Variants in NFIC observed in about 807,000 individuals in gnomAD.
NFIC encodes nuclear factor I C, also known as nuclear factor 1 C-type.
NFIC carries 12 observed loss-of-function variants against 54.4 expected under a neutral mutation model. The ratio of observed to expected loss-of-function variants is 0.22; its 90% CI spans 0.14 to 0.36. NFIC has a LOEUF of 0.36. NFIC is among the 10% of genes least tolerant of loss of function. The pLI, the probability that NFIC is intolerant of heterozygous loss-of-function variation, is 1.00. For synonymous variants in NFIC, 322 were observed against 319.2 expected (o/e 1.01, Z -0.09); for missense variants, 575 against 718.2 (o/e 0.80, Z 2.28).
In NFIC at chr19:3,384,789, G is replaced by C. The variant is rs1029260346; in HGVS notation, c.562+2546G>C. On this transcript the variant is annotated intron_variant, in intron 2 of 10. Transcript: ENST00000443272. Reference sequence around the variant, plus strand: ...ACAAACCTGCTGGGGTTGGCTGTGAGGGGGCACTGGGGACGGTGGGGGCAG... The same window carrying C: ...ACAAACCTGCTGGGGTTGGCTGTGACGGGGCACTGGGGACGGTGGGGGCAG... Among the ~76,000 whole-genome samples, 5 of 151,956 alleles carry C rather than the reference G, an allele frequency of 3.3e-5. 1 individual carries two copies. The highest frequency in any genetic ancestry group is 1.2e-4 in the African/African-American group (5 of 41,392).
At position 3,379,677 on chromosome 19, in the gene NFIC, T is replaced by C. The variant is rs1401309814; in HGVS notation, c.31-2035T>C. Reference sequence around the variant, plus strand: ...TTCATTTTTTTTTATTTCTTTCTTTTTTTTTTTTTTTTTTTTTTTGAGTCA... The same window carrying C: ...TTCATTTTTTTTTATTTCTTTCTTTCTTTTTTTTTTTTTTTTTTTGAGTCA... On this transcript the variant is annotated intron_variant, in intron 1 of 10. Coordinates refer to ENST00000443272, the MANE Select transcript of NFIC (RefSeq NM_001245002.2). Among the ~76,000 whole-genome samples, 71 of 47,960 alleles carry C rather than the reference T, an allele frequency of 1.5e-3. 1 individual carries two copies. The highest frequency in any genetic ancestry group is 7.1e-4 in the Non-Finnish European group (10 of 14,134). 31.5% of individuals were successfully genotyped at this position (47,960 alleles called of 152,430 possible). A position where few individuals can be genotyped will look rare whatever the true frequency, so the allele number is the denominator to read the frequency against.
At chr19:3,403,547 C>A (rs1208264515) in intron 2 of NFIC, among the ~76,000 whole-genome samples, 1 of 152,218 alleles carries the variant, frequency 6.6e-6, no homozygotes. Context: ...CCTGACCCCA[C>A]GCCAAAGCCA....
chr19:3,426,560 T>G (rs916115163), intron 3 of NFIC, among the ~76,000 whole-genome samples: 7 of 152,138 alleles, frequency 4.6e-5, no homozygotes, highest in Non-Finnish European at 7.4e-5. Flanking sequence ...AGCCCCCAAG[T>G]CAGGGCCCGT....
At chr19:3,417,678 T>C (rs2081884812) in intron 2 of NFIC, among the ~76,000 whole-genome samples, 1 of 145,852 alleles carries the variant, frequency 6.9e-6, no homozygotes, top group South Asian at 2.2e-4. Flanking sequence ...CAGGCTGGAG[T>C]GCAGTGGCGC....
At chr19:3,366,538 G>T (rs2080886771), upstream of NFIC, 8 of 572,450 alleles carry the variant, frequency 1.4e-5, no homozygotes, top group South Asian at 1.3e-4. Flanking sequence ...GCGGGGCGGG[G>T]GGGGGGGTTG....
chr19:3,388,767 G>A (rs1217595317), intron 2 of NFIC, among the ~76,000 whole-genome samples: 1 of 152,140 alleles, frequency 6.6e-6, no homozygotes, highest in African/African-American at 2.4e-5. Flanking sequence ...GTTGGAGGTT[G>A]CAGTGAGCTG....
At chr19:3,411,682 T>G (rs376086217) in intron 2 of NFIC, among the ~76,000 whole-genome samples, 46 of 152,136 alleles carry the variant, frequency 3.0e-4, no homozygotes, top group African/African-American at 1.0e-3. Context: ...TCAGTGATGC[T>G]GAACCTTTTT....
intron 1 of NFIC, among the ~76,000 whole-genome samples, chr19:3,379,583 C>G (rs1568406062): frequency 6.6e-6 from 1 of 150,786 alleles, no homozygotes; most frequent in Non-Finnish European, 1.5e-5. Flanking sequence ...TGACCTCAAG[C>G]GATCCACCTG....
At chr19:3,429,253 TAC>T (rs57948823) in intron 3 of NFIC, among the ~76,000 whole-genome samples, 1,745 of 50,804 alleles carry the variant, frequency 0.034, 274 homozygotes, top group African/African-American at 0.095. Flanking sequence ...AAAAAATATA[TAC>T]ACACACACAC....
intron 3 of NFIC, among the ~76,000 whole-genome samples, chr19:3,429,134 TATACACACACACACACACAC>T (rs2082075226): frequency 1.5e-5 from 1 of 67,160 alleles, no homozygotes. Context: ...AAAAAAAAAA[TATACACACACACACACACAC>T]ACACACACAC....
At chr19:3,430,198 C>G (rs116755582) in intron 3 of NFIC, among the ~76,000 whole-genome samples, 3,485 of 151,764 alleles carry the variant, frequency 0.023, 128 homozygotes, top group African/African-American at 0.078. Flanking sequence ...GTGTCCAAGT[C>G]AAAGTGCACT....
rs369796013 is a variant in NFIC, at chr19:3,382,234, C to T, written c.553C>T (p.Arg185Cys). Residue 185 changes from arginine (R) to cysteine (C), a missense_variant, in exon 2 of 11, where the codon CGT becomes TGT. Physicochemically the swap from Arg to Cys is radical, Grantham distance 180 (BLOSUM62 -3). Coordinates refer to ENST00000443272, the MANE Select transcript of NFIC (RefSeq NM_001245002.2). ...GGACCTCTACCTGGCCTACTTCGTG[C>T]GTGAGCGAGGTGAGGTGTGGTGGCC... Reference protein sequence around the residue: ...ELDLYLAYFVRERDAEQSGSP... With the variant: ...ELDLYLAYFVCERDAEQSGSP... 22 of 1,601,116 alleles carry T rather than the reference C, an allele frequency of 1.4e-5. No homozygotes were observed. The highest frequency in any genetic ancestry group is 1.3e-4 in the African/African-American group (10 of 74,894).
chr19:3,394,494 C>T (rs1364776992), intron 2 of NFIC, among the ~76,000 whole-genome samples: 1 of 122,016 alleles, frequency 8.2e-6, no homozygotes, highest in African/African-American at 4.0e-5. Flanking sequence ...AAAAAGTTAT[C>T]GAGGTATTTT....
At chr19:3,371,937 T>TTCCCTCCCTCCC (rs35615324) in intron 1 of NFIC, among the ~76,000 whole-genome samples, 2 of 87,670 alleles carry the variant, frequency 2.3e-5, no homozygotes, top group Non-Finnish European at 4.4e-5. Context: ...CCTTCCTTCC[T>TTCCCTCCCTCCC]TCCCTCCCTC....
chr19:3,430,855 C>G (rs754508704), intron 3 of NFIC, among the ~76,000 whole-genome samples: 11 of 148,628 alleles, frequency 7.4e-5, no homozygotes, highest in Non-Finnish European at 1.3e-4. Flanking sequence ...TCGCTTGAAC[C>G]TGGGAGGCAT....
chr19:3,401,257 G>C (rs2081550481), intron 2 of NFIC, among the ~76,000 whole-genome samples: 1 of 152,206 alleles, frequency 6.6e-6, no homozygotes, highest in Non-Finnish European at 1.5e-5. Context: ...GCTATGGGCA[G>C]AGGAGGGACC....
upstream of NFIC, chr19:3,366,503 A>G: frequency 4.9e-6 from 2 of 411,664 alleles, no homozygotes; most frequent in South Asian, 5.6e-5. Context: ...CCGAGGGAGG[A>G]GGCGGCGAGG....
At chr19:3,367,240 G>A (rs1029354706) in intron 1 of NFIC, among the ~76,000 whole-genome samples, 1 of 152,220 alleles carries the variant, frequency 6.6e-6, no homozygotes, top group Non-Finnish European at 1.5e-5. Context: ...AGGGGGAGGG[G>A]GCAGGAGAAG....
chr19:3,447,970 T>A (rs1206604357), intron 6 of NFIC, among the ~76,000 whole-genome samples: 1 of 152,228 alleles, frequency 6.6e-6, no homozygotes, highest in East Asian at 1.9e-4. Context: ...AATGGCGTGA[T>A]CTCGGCCCAC....
Sources: gnomAD v4.1 joint callset for allele counts (sites outside exome capture counted in the v4.1 genomes callset) on GRCh38, gnomAD v4.1.1 for gene constraint, MANE v1.5 for transcripts, NCBI Gene and HGNC (gene_info 2026-07-23, HGNC 2026-07-21) for gene names.